Variants in NPAS2 observed in about 807,000 individuals in gnomAD.
The protein encoded by NPAS2 is neuronal PAS domain-containing protein 2.
Under a neutral mutation model 107.5 loss-of-function variants are expected in NPAS2, and 23 were observed. That is an observed-to-expected ratio of 0.21 (90% CI 0.15 to 0.30). NPAS2 has a LOEUF of 0.30. NPAS2 is among the 10% of genes least tolerant of loss of function. The pLI is 1.00. For missense variants in NPAS2, 756 were observed against 1,043.3 expected, an observed-to-expected ratio of 0.72 and a Z score of 3.79; for synonymous variants, 403 against 417.5, an observed-to-expected ratio of 0.97 and a Z score of 0.42.
intron 1 of NPAS2, among the ~76,000 whole-genome samples, chr2:100,869,116 T>TG (rs756089323): frequency 6.8e-6 from 1 of 146,974 alleles, no homozygotes; most frequent in Admixed American, 6.8e-5. Flanking sequence ...TTTTTTTTTT[T>TG]GCAGAGACAG....
chr2:100,929,900 C>G (rs1444691705), intron 3 of NPAS2, among the ~76,000 whole-genome samples: 2 of 152,220 alleles, frequency 1.3e-5, no homozygotes, highest in African/African-American at 4.8e-5. Context: ...TATTATTTAG[C>G]TCTTTCCCCA....
intron 1 of NPAS2, among the ~76,000 whole-genome samples, chr2:100,830,038 C>T (rs1676630134): frequency 1.3e-5 from 2 of 152,118 alleles, no homozygotes; most frequent in African/African-American, 4.8e-5. Flanking sequence ...ACCTTGAAAG[C>T]AAAAACAACC....
intron 2 of NPAS2, 146 bp downstream of exon 2, chr2:100,904,932 G>T (rs573955416): frequency 1.5e-6 from 1 of 656,652 alleles, no homozygotes; most frequent in Admixed American, 2.7e-5. Flanking sequence ...ACATATTGCA[G>T]TGCTCCATGA....
chr2:100,881,425 C>G (rs1279163165), intron 1 of NPAS2, among the ~76,000 whole-genome samples: 1 of 152,256 alleles, frequency 6.6e-6, no homozygotes, highest in Admixed American at 6.5e-5. Context: ...GGGGCTCACC[C>G]CTGTGCTCCC....
chr2:100,937,544 C>G (rs972028759), intron 4 of NPAS2, among the ~76,000 whole-genome samples: 2 of 152,168 alleles, frequency 1.3e-5, no homozygotes, highest in Non-Finnish European at 2.9e-5. Flanking sequence ...TCCTGTAGTG[C>G]TTTTGCAAAC....
intron 8 of NPAS2, among the ~76,000 whole-genome samples, chr2:100,964,577 A>G (rs531792960): frequency 2.6e-5 from 4 of 152,338 alleles, no homozygotes; most frequent in African/African-American, 9.6e-5. Flanking sequence ...AGTAATTCAG[A>G]TTCCGATGAA....
At chr2:100,972,316 A>G (rs534774647) in intron 12 of NPAS2, among the ~76,000 whole-genome samples, 11 of 152,310 alleles carry the variant, frequency 7.2e-5, no homozygotes, top group Admixed American at 5.2e-4. Flanking sequence ...GTTTCTTTTC[A>G]TCAACGGAAG....
chr2:100,848,906 G>A (rs1346614691), intron 1 of NPAS2, among the ~76,000 whole-genome samples: 2 of 152,220 alleles, frequency 1.3e-5, no homozygotes, highest in Admixed American at 6.5e-5. Flanking sequence ...TCTCTGCCTT[G>A]AGTCCCCAAA....
intron 15 of NPAS2, among the ~76,000 whole-genome samples, chr2:100,980,393 C>A (rs532556478): frequency 6.6e-6 from 1 of 152,278 alleles, no homozygotes; most frequent in Admixed American, 6.5e-5. Context: ...ACAGAGTGGT[C>A]TGATTAGTCA....
At chr2:100,971,169 G>T in intron 12 of NPAS2, 95 bp downstream of exon 12, 1 of 1,190,654 alleles carries the variant, frequency 8.4e-7, no homozygotes, top group Non-Finnish European at 1.2e-6. Flanking sequence ...TTTCATCAAT[G>T]GAAGGGTACA....
intron 1 of NPAS2, among the ~76,000 whole-genome samples, chr2:100,881,414 G>T (rs1573534794): frequency 6.6e-6 from 1 of 152,382 alleles, no homozygotes; most frequent in East Asian, 1.9e-4. Context: ...GCCGGGGCAT[G>T]GGGGCTCACC....
chr2:100,955,263 A>C (rs1675500581), intron 7 of NPAS2, among the ~76,000 whole-genome samples: 1 of 152,212 alleles, frequency 6.6e-6, no homozygotes, highest in Admixed American at 6.5e-5. Context: ...TACATGGTAC[A>C]TTCTTATTTG....
chr2:100,865,118 T>C (rs1679174880), intron 1 of NPAS2, among the ~76,000 whole-genome samples: 1 of 152,152 alleles, frequency 6.6e-6, no homozygotes, highest in South Asian at 2.1e-4. Flanking sequence ...ATTATGAAAA[T>C]AGTTTAGACT....
chr2:100,932,208 AAAC>A (rs1684003901), intron 3 of NPAS2, among the ~76,000 whole-genome samples: 1 of 152,254 alleles, frequency 6.6e-6, no homozygotes, highest in Admixed American at 6.5e-5. Context: ...TAATAGAACA[AAAC>A]ATTCTTTAAA....
Position 100,965,336 on chromosome 2 carries a change from C to A in NPAS2, c.801-324C>A, listed in dbSNP as rs921788385. Among the ~76,000 whole-genome samples, 1 of 152,120 alleles carries A rather than the reference C, an allele frequency of 6.6e-6. No individual in the cohort carries two copies. Among genetic ancestry groups the A allele is most frequent in the Non-Finnish European group, 1.5e-5 (1 of 68,024 alleles). Reference sequence around the variant, plus strand: ...TGCAGTTGAAGAACTCCAAATCTCCCCTCCCCACCCTTTAATTTATATTAC... The same window carrying A: ...TGCAGTTGAAGAACTCCAAATCTCCACTCCCCACCCTTTAATTTATATTAC... On this transcript the variant is annotated intron_variant, in intron 9 of 20. Transcript: ENST00000335681. The surrounding 1 kb of genome is among the most constrained non-coding windows in gnomAD (Gnocchi z 4.3).
At chr2:100,895,285 C>T (rs935200595) in intron 1 of NPAS2, among the ~76,000 whole-genome samples, 8 of 152,110 alleles carry the variant, frequency 5.3e-5, no homozygotes, top group East Asian at 1.9e-4. Flanking sequence ...TTATTTGTGC[C>T]GGGGACTGTG....
At chr2:100,869,031 C>T (rs1266529983) in intron 1 of NPAS2, among the ~76,000 whole-genome samples, 4 of 152,032 alleles carry the variant, frequency 2.6e-5, no homozygotes, top group East Asian at 3.9e-4. Flanking sequence ...CAGGTTCAAG[C>T]GATTCTCGTG....
Position 100,904,794 on chromosome 2 carries a change from G to T in NPAS2, c.32+8G>T. The T allele has an allele frequency of 7.5e-6, 12 of 1,601,978 alleles. No homozygotes were observed. Among genetic ancestry groups the T allele is most frequent in the Non-Finnish European group, 9.4e-6 (11 of 1,171,646 alleles). Reference sequence around the variant, plus strand: ...GAAAGACAGAGCCAAGAGGTAAGATGCAGCTGTCCCCCTGCTCAGCAGAGC... The same window carrying T: ...GAAAGACAGAGCCAAGAGGTAAGATTCAGCTGTCCCCCTGCTCAGCAGAGC... On this transcript the variant is annotated splice_region_variant and intron_variant, in intron 2 of 20. Coordinates refer to ENST00000335681, the MANE Select transcript of NPAS2 (RefSeq NM_002518.4).
In NPAS2 at chr2:100,882,391, CA is replaced by C. The variant is rs534803237; in HGVS notation, c.-22-22340del. On this transcript the variant is annotated intron_variant, in intron 1 of 20. Transcript: ENST00000335681. Reference sequence around the variant, plus strand: ...TTGGGAGGCCAAGGTGGGCGGATCACAAGGTCAGGAGTTCGAGACCATCCTG... The same window carrying C: ...TTGGGAGGCCAAGGTGGGCGGATCACAGGTCAGGAGTTCGAGACCATCCTG... Among the ~76,000 whole-genome samples the C allele has an allele frequency of 2.6e-5, 4 of 152,254 alleles. No homozygotes were observed. The South Asian group carries it at 6.2e-4, about 24-fold the overall frequency.
Sources: gnomAD v4.1 joint callset for allele counts (sites outside exome capture counted in the v4.1 genomes callset) on GRCh38, gnomAD v4.1.1 for gene constraint, Gnocchi (gnomAD v3.1) non-coding constraint, MANE v1.5 for transcripts, NCBI Gene and HGNC (gene_info 2026-07-23, HGNC 2026-07-21) for gene names.